Variants in PPP2R2B observed in about 807,000 individuals in gnomAD.
PPP2R2B encodes protein phosphatase 2 regulatory subunit Bbeta.
A neutral mutation model predicts 46.0 loss-of-function variants in PPP2R2B; 5 were observed. The ratio of observed to expected loss-of-function variants is 0.11; its 90% confidence interval spans 0.06 to 0.23. The LOEUF (loss-of-function observed/expected upper bound fraction) is 0.23. Ranked by LOEUF, PPP2R2B falls within the 10% of genes least tolerant of loss-of-function variation. The pLI, the probability that PPP2R2B is intolerant of heterozygous loss-of-function variation, is 1.00. For missense variants in PPP2R2B, 367 were observed against 575.0 expected (o/e 0.64, Z 3.70); for synonymous variants, 215 against 206.7 (o/e 1.04, Z -0.34).
At chr5:146,600,131 C>G (rs1028444412) in intron 8 of PPP2R2B, among the ~76,000 whole-genome samples, 160 bp downstream of exon 8, 2 of 152,206 alleles carry the variant, frequency 1.3e-5, no homozygotes, top group African/African-American at 4.8e-5. Context: ...GTACCGTTAT[C>G]TTAAATCCTG....
chr5:146,939,453 G>A (rs959237542), intron 1 of PPP2R2B, among the ~76,000 whole-genome samples: 6 of 152,124 alleles, frequency 3.9e-5, no homozygotes, highest in Non-Finnish European at 5.9e-5. Context: ...TTTTGCCATC[G>A]CTTAAATGGT....
intron 1 of PPP2R2B, among the ~76,000 whole-genome samples, chr5:146,893,090 T>C (rs1487107223): frequency 2.6e-5 from 4 of 152,234 alleles, no homozygotes; most frequent in Admixed American, 2.0e-4. Flanking sequence ...CAAGAATGTC[T>C]TTCCTGTCAC....
At chr5:146,795,275 A>C (rs141639451) in intron 2 of PPP2R2B, among the ~76,000 whole-genome samples, 2 of 152,308 alleles carry the variant, frequency 1.3e-5, no homozygotes, top group African/African-American at 4.8e-5. Flanking sequence ...AATAGATAAG[A>C]TATAGAAACA....
At chr5:146,650,935 CT>C (rs1775911867) in intron 5 of PPP2R2B, among the ~76,000 whole-genome samples, 1 of 152,192 alleles carries the variant, frequency 6.6e-6, no homozygotes, top group South Asian at 2.1e-4. Context: ...TCACTTAGCC[CT>C]GGTGGGAAAT....
intron 2 of PPP2R2B, among the ~76,000 whole-genome samples, chr5:146,712,463 A>T (rs1780266191): frequency 6.6e-6 from 1 of 152,254 alleles, no homozygotes; most frequent in Admixed American, 6.5e-5. Flanking sequence ...GGATAAAGGC[A>T]GTATAGTAAA....
At chr5:146,841,850 G>A (rs1020493636) in intron 2 of PPP2R2B, among the ~76,000 whole-genome samples, 1 of 152,114 alleles carries the variant, frequency 6.6e-6, no homozygotes, top group Non-Finnish European at 1.5e-5. Flanking sequence ...GTTGATGGGT[G>A]CAGCAAACCA....
intron 2 of PPP2R2B, among the ~76,000 whole-genome samples, chr5:146,714,256 C>T (rs1780365411): frequency 6.6e-6 from 1 of 152,100 alleles, no homozygotes; most frequent in Non-Finnish European, 1.5e-5. Flanking sequence ...AAGCTTAGTA[C>T]TGTGGAGCTC....
Position 146,878,360 on chromosome 5 carries a change from C to T in PPP2R2B, c.-124-165G>A. 1 of 1,435,892 alleles carries T rather than the reference C, an allele frequency of 7.0e-7. No homozygotes were observed. The highest frequency in any genetic ancestry group is 9.1e-7 in the Non-Finnish European group (1 of 1,101,620). 88.9% of individuals were successfully genotyped at this position (1,435,892 alleles called of 1,614,324 possible). A position where few individuals can be genotyped will look rare whatever the true frequency, so the allele number is the denominator to read the frequency against. On this transcript the variant is annotated intron_variant, in intron 1 of 9. Transcript: ENST00000394411. This position sits in a 1 kb window ranked among gnomAD's most constrained non-coding sequence, Gnocchi z 4.5. ...GATGCTGCGCCTGCCTCCGCTGCCT[C>T]CGGGTGCCAAGATACGCCGTGCCCC... is the stretch of plus-strand genomic sequence containing the variant.
Position 146,587,084 on chromosome 5 carries a change from T to C in PPP2R2B, c.*2863A>G, listed in dbSNP as rs188595012. The stretch of plus-strand genomic sequence containing the variant: ...GTGGGGTAAAGTAGTATAGGGCCCT[T>C]AGAATCGAACCAACTGTTGCAAGGT... On this transcript the variant is annotated 3_prime_UTR_variant, in exon 10 of 10. Transcript: ENST00000394411. The C allele has an allele frequency of 6.6e-6, 1 of 152,260 alleles. No homozygotes were observed. The highest frequency in any genetic ancestry group is 2.4e-5 in the African/African-American group (1 of 41,550). The allele number at this position is 152,260 out of a possible 1,614,324, so 9.4% of individuals were successfully genotyped here. A position where few individuals can be genotyped will look rare whatever the true frequency, so the allele number is the denominator to read the frequency against.
intron 1 of PPP2R2B, among the ~76,000 whole-genome samples, chr5:146,910,937 G>A (rs1030220744): frequency 1.6e-4 from 24 of 151,818 alleles, no homozygotes; most frequent in Admixed American, 1.1e-3. Context: ...TTCCATATTC[G>A]TCTACCTGTC....
chr5:146,795,162 G>A (rs962846362), intron 2 of PPP2R2B, among the ~76,000 whole-genome samples: 2 of 151,994 alleles, frequency 1.3e-5, no homozygotes, highest in Non-Finnish European at 2.9e-5. Flanking sequence ...GGACTGTTAA[G>A]GAGATTAGAT....
intron 2 of PPP2R2B, among the ~76,000 whole-genome samples, chr5:146,707,926 C>T (rs763111135): frequency 2.4e-4 from 36 of 152,068 alleles, no homozygotes; most frequent in African/African-American, 6.8e-4. Context: ...TCTAAATCTT[C>T]GGTATTTTCT....
intron 2 of PPP2R2B, among the ~76,000 whole-genome samples, chr5:146,809,971 G>C (rs568142465): frequency 1.3e-5 from 2 of 152,256 alleles, no homozygotes; most frequent in African/African-American, 4.8e-5. Context: ...AAAAGGACTT[G>C]CTAGCCAATC....
intron 1 of PPP2R2B, among the ~76,000 whole-genome samples, chr5:146,975,990 T>C (rs1752881182): frequency 6.6e-6 from 1 of 151,918 alleles, no homozygotes; most frequent in Non-Finnish European, 1.5e-5. Flanking sequence ...TCATCCAATT[T>C]GTCTACTTTT....
intron 2 of PPP2R2B, chr5:146,706,744 C>G (rs1310408666): frequency 2.5e-6 from 2 of 804,072 alleles, no homozygotes; most frequent in Non-Finnish European, 4.5e-6. Context: ...TCCCAGCCAG[C>G]GTCTGCAGCT....
At chr5:146,618,148 G>A (rs897148371) in intron 7 of PPP2R2B, among the ~76,000 whole-genome samples, 5 of 152,220 alleles carry the variant, frequency 3.3e-5, no homozygotes, top group African/African-American at 7.2e-5. Context: ...GACAGATTAC[G>A]TTAGATTATC....
At chr5:146,911,530 G>C (rs1428718426) in intron 1 of PPP2R2B, among the ~76,000 whole-genome samples, 1 of 152,202 alleles carries the variant, frequency 6.6e-6, no homozygotes, top group Non-Finnish European at 1.5e-5. Flanking sequence ...CCTCACCACA[G>C]TAGCCTGCAA....
At chr5:146,601,734 G>A (rs1054476049) in intron 7 of PPP2R2B, among the ~76,000 whole-genome samples, 3 of 152,104 alleles carry the variant, frequency 2.0e-5, no homozygotes, top group Non-Finnish European at 2.9e-5. Flanking sequence ...AACTTAATGG[G>A]TACAAGTGTG....
chr5:146,875,128 A>G (rs2151416553), intron 2 of PPP2R2B, among the ~76,000 whole-genome samples: 1 of 152,348 alleles, frequency 6.6e-6, no homozygotes, highest in South Asian at 2.1e-4. Flanking sequence ...TTGGCAAATT[A>G]GTAACATCTT....
Sources: allele counts gnomAD v4.1 joint callset (sites outside exome capture counted in the v4.1 genomes callset), GRCh38; gene constraint gnomAD v4.1.1; non-coding constraint Gnocchi (gnomAD v3.1); transcripts MANE v1.5; gene names NCBI Gene and HGNC (gene_info 2026-07-23, HGNC 2026-07-21).